The following POC5 variants were observed in gnomAD, a reference collection of about 807,000 sequenced individuals.
POC5 encodes the protein centrosomal protein POC5.
A neutral mutation model predicts 62.9 loss-of-function variants in POC5; 48 were observed. The observed-to-expected ratio is 0.76, with a 90% confidence interval of 0.61 to 0.97. The LOEUF is 0.97. Ranked by LOEUF, POC5 falls within the 50% of genes least tolerant of loss-of-function variation. The probability of loss-of-function intolerance (pLI) is 0.00; values close to 1 mark genes in which losing one functional copy is unlikely to be tolerated. For synonymous variants in POC5, 236 were observed against 228.2 expected, an observed-to-expected ratio of 1.03 and a Z score of -0.31; for missense variants, 696 against 679.5, an observed-to-expected ratio of 1.02 and a Z score of -0.27.
chr5:75,711,302 A>G (rs944597583), intron 2 of POC5, among the ~76,000 whole-genome samples: 2 of 152,024 alleles, frequency 1.3e-5, no homozygotes, highest in Non-Finnish European at 2.9e-5. Context: ...CTGAATTGAT[A>G]TGACCCTGAA....
intron 5 of POC5, among the ~76,000 whole-genome samples, chr5:75,695,796 G>A (rs1263008203): frequency 6.6e-6 from 1 of 152,180 alleles, no homozygotes; most frequent in Non-Finnish European, 1.5e-5. Flanking sequence ...TTCCATCTGA[G>A]GTACCGGGTT....
intron 1 of POC5, among the ~76,000 whole-genome samples, chr5:75,715,624 G>C (rs141769480): frequency 2.1e-4 from 32 of 152,302 alleles, no homozygotes; most frequent in African/African-American, 7.5e-4. Context: ...GATGGGATTT[G>C]AGTGGGGACA....
intron 11 of POC5, 141 bp downstream of exon 11, chr5:75,677,633 A>C (rs1340306522): frequency 8.9e-6 from 5 of 560,060 alleles, no homozygotes; most frequent in Admixed American, 4.4e-5. Context: ...AAAAAAAAAA[A>C]AAAACTGTAA....
intron 7 of POC5, among the ~76,000 whole-genome samples, chr5:75,691,405 A>G (rs1438929216): frequency 1.3e-5 from 2 of 152,212 alleles, no homozygotes; most frequent in Non-Finnish European, 2.9e-5. Flanking sequence ...TGTCAGCATG[A>G]CACCACAAGT....
chr5:75,700,164 A>G (rs1263067118), intron 5 of POC5, among the ~76,000 whole-genome samples: 2 of 152,022 alleles, frequency 1.3e-5, no homozygotes, highest in African/African-American at 4.8e-5. Flanking sequence ...TACAGATTCA[A>G]TGCCATCCCC....
At chr5:75,697,945 C>T (rs1189800396) in intron 5 of POC5, among the ~76,000 whole-genome samples, 1 of 143,692 alleles carries the variant, frequency 7.0e-6, no homozygotes, top group Non-Finnish European at 1.5e-5. Context: ...AGACTTTAAA[C>T]CAACAAAGAT....
At chr5:75,682,254 T>A (rs1316758574) in intron 10 of POC5, among the ~76,000 whole-genome samples, 3 of 152,240 alleles carry the variant, frequency 2.0e-5, no homozygotes, top group Non-Finnish European at 4.4e-5. Flanking sequence ...ACTCATTCAT[T>A]CAGTTCTTCC....
At chr5:75,699,143 G>T (rs1299429159) in intron 5 of POC5, among the ~76,000 whole-genome samples, 3 of 152,002 alleles carry the variant, frequency 2.0e-5, no homozygotes, top group Non-Finnish European at 4.4e-5. Context: ...AGAGGTACAA[G>T]GAAGAACTGG....
chr5:75,685,845 T>C (rs963359807), intron 9 of POC5, among the ~76,000 whole-genome samples: 5 of 152,206 alleles, frequency 3.3e-5, no homozygotes, highest in African/African-American at 1.2e-4. Flanking sequence ...TCTAGGTTCC[T>C]TTGTATTAGT....
chr5:75,699,088 T>C (rs4704232), intron 5 of POC5, among the ~76,000 whole-genome samples: 54,869 of 151,734 alleles, frequency 0.36, 10,007 homozygotes, highest in East Asian at 0.46. Flanking sequence ...AGCTTACCAA[T>C]GAAAAAGAGT....
At position 75,685,495 on chromosome 5, in the gene POC5, CA is replaced by C. The variant is rs768878051; in HGVS notation, c.1130-12del. 40 of 1,593,876 alleles carry C rather than the reference CA, an allele frequency of 2.5e-5. No homozygotes were observed. The African/African-American group carries it at 5.1e-4, about 20-fold the overall frequency. ...TTGTGGAGTCTATCCCTATAAATCACAAATTAATTCCATTCAAATTCTTCCA... is the reference window on the plus strand; with the variant it reads ...TTGTGGAGTCTATCCCTATAAATCACAATTAATTCCATTCAAATTCTTCCA... On this transcript the variant is annotated splice_polypyrimidine_tract_variant and intron_variant, in intron 9 of 11. Transcript: ENST00000428202.
In POC5 at chr5:75,689,036, T is replaced by G; in HGVS notation, c.1105A>C (p.Ile369Leu). Residue 369 changes from isoleucine to leucine, a missense_variant, in exon 9 of 12, where the codon ATA becomes CTA. Ile to Leu is a conservative substitution (Grantham distance 5). Coordinates refer to ENST00000428202, the MANE Select transcript of POC5 (RefSeq NM_001099271.2). ...VCALNLEAMT[I>L]FQNRNDAGID... ...CCTGCATCATTTCTGTTTTGAAATA[T>G]AGTCATGGCTTCAAGATTTAATGCA... The G allele has an allele frequency of 1.3e-6, 2 of 1,580,220 alleles. No individual in the cohort carries two copies. Among genetic ancestry groups the G allele is most frequent in the Non-Finnish European group, 1.7e-6 (2 of 1,165,960 alleles).
intron 1 of POC5, among the ~76,000 whole-genome samples, chr5:75,714,308 G>C (rs1777465190): frequency 6.6e-6 from 1 of 152,148 alleles, no homozygotes; most frequent in Non-Finnish European, 1.5e-5. Flanking sequence ...CTAGAACCCT[G>C]GGGGTGGAGG....
At chr5:75,716,175 T>TATC (rs1413453576) in intron 1 of POC5, among the ~76,000 whole-genome samples, 1 of 152,082 alleles carries the variant, frequency 6.6e-6, no homozygotes, top group East Asian at 1.9e-4. Context: ...TTCCAGTGAG[T>TATC]ATCACTGTGC....
chr5:75,696,989 A>C (rs957017996), intron 5 of POC5, among the ~76,000 whole-genome samples: 3 of 152,110 alleles, frequency 2.0e-5, no homozygotes, highest in African/African-American at 7.2e-5. Context: ...ATGAAGCAAG[A>C]AGGGAAGTTT....
rs371551729 is a variant in POC5, at chr5:75,692,420, G to A, written c.771C>T (p.Ile257=). ...CATCCTGTCTGGCTCTGACATGGCC[G>A]ATTCGCCAGTGGAAGAATGTTCTCA... The part of the protein sequence containing the change: ...ELMRTFFHWR[I]GHVRARQDVY... The change falls in exon 7 of 12, where the codon ATC becomes ATT. Residue 257 remains isoleucine (I), a synonymous_variant. Coordinates refer to ENST00000428202, the MANE Select transcript of POC5 (RefSeq NM_001099271.2). The A allele has an allele frequency of 1.1e-5, 18 of 1,591,922 alleles. No homozygotes were observed. Among genetic ancestry groups the A allele is most frequent in the Non-Finnish European group, 1.4e-5 (16 of 1,168,508 alleles).
chr5:75,717,370 G>A lies in POC5; in HGVS notation c.-79C>T, dbSNP rs914702138. 2.0e-5 allele frequency: 3 copies of A among 152,284 alleles called. No homozygotes were observed. The highest frequency in any genetic ancestry group is 6.5e-5 in the Admixed American group (1 of 15,290). The allele number at this position is 152,284 out of a possible 1,614,324, so 9.4% of individuals were successfully genotyped here. A position where few individuals can be genotyped will look rare whatever the true frequency, so the allele number is the denominator to read the frequency against. Reference sequence around the variant, plus strand: ...GCCTCTTAGCCGCGTCGCAGCTGCAGTGTCAGCAAGTGCAGCCTCAGCAAG... The same window carrying A: ...GCCTCTTAGCCGCGTCGCAGCTGCAATGTCAGCAAGTGCAGCCTCAGCAAG... On this transcript the variant is annotated 5_prime_UTR_variant, in exon 1 of 12. Transcript: ENST00000428202.
chr5:75,678,098 G>C lies in POC5; in HGVS notation c.1408-148C>G, dbSNP rs886070822. ...TAACATGGAAAAAACAAAATCACAA[G>C]ACGAAAAGCAAAACAAAACTGAACA... On this transcript the variant is annotated intron_variant, in intron 10 of 11. Transcript: ENST00000428202. The C allele has an allele frequency of 6.2e-5, 36 of 581,352 alleles. No homozygotes were observed. The South Asian group carries it at 1.8e-3, about 29-fold the overall frequency. 36.0% of individuals were successfully genotyped at this position (581,352 alleles called of 1,614,324 possible).
chr5:75,697,686 G>C (rs1310370789), intron 5 of POC5, among the ~76,000 whole-genome samples: 3 of 151,574 alleles, frequency 2.0e-5, no homozygotes, highest in Non-Finnish European at 4.4e-5. Context: ...TAATGTCATT[G>C]ATCCTGTCAG....
Sources: allele counts gnomAD v4.1 joint callset (sites outside exome capture counted in the v4.1 genomes callset), GRCh38; gene constraint gnomAD v4.1.1; transcripts MANE v1.5; gene names NCBI Gene and HGNC (gene_info 2026-07-23, HGNC 2026-07-21).